The following MAGI3 variants were observed in gnomAD, a reference collection of about 807,000 sequenced individuals.
MAGI3 encodes membrane associated guanylate kinase, WW and PDZ domain containing 3, also known as membrane-associated guanylate kinase, WW and PDZ domain-containing protein 3.
In MAGI3, 43 loss-of-function variants were observed where a neutral mutation model predicts 121.8. The ratio of observed to expected loss-of-function variants is 0.35; its 90% CI spans 0.28 to 0.46. The LOEUF (loss-of-function observed/expected upper bound fraction) is 0.46. MAGI3 is among the 20% of genes least tolerant of loss of function. MAGI3 has a pLI of 1.00. For missense variants in MAGI3, 1,547 were observed against 1,797.3 expected, an observed-to-expected ratio of 0.86 and a Z score of 2.52; for synonymous variants, 553 against 639.3, an observed-to-expected ratio of 0.86 and a Z score of 2.04.
intron 2 of MAGI3, among the ~76,000 whole-genome samples, chr1:113,550,496 A>T (rs1034082124): frequency 1.3e-5 from 2 of 151,526 alleles, no homozygotes; most frequent in African/African-American, 4.8e-5. Context: ...ATTTAAGATT[A>T]TATAATCCCA....
chr1:113,564,352 G>C (rs755445595), intron 2 of MAGI3, among the ~76,000 whole-genome samples: 1 of 152,166 alleles, frequency 6.6e-6, no homozygotes, highest in Non-Finnish European at 1.5e-5. Context: ...TACCTTGAGA[G>C]CCCAAATGAC....
intron 1 of MAGI3, among the ~76,000 whole-genome samples, chr1:113,412,927 G>C (rs1265363878): frequency 6.6e-6 from 1 of 152,118 alleles, no homozygotes; most frequent in Admixed American, 6.5e-5. Flanking sequence ...GTTGCTTTTG[G>C]TGTTTTAGTC....
At chr1:113,605,089 G>A (rs1319987438) in intron 6 of MAGI3, among the ~76,000 whole-genome samples, 1 of 151,582 alleles carries the variant, frequency 6.6e-6, no homozygotes, top group Non-Finnish European at 1.5e-5. Context: ...ATTGTGAGTG[G>A]GGACACAAAA....
At chr1:113,469,513 CTTTT>C (rs1008693524) in intron 1 of MAGI3, among the ~76,000 whole-genome samples, 1 of 144,746 alleles carries the variant, frequency 6.9e-6, no homozygotes, top group African/African-American at 2.5e-5. Flanking sequence ...CAAGCAAAGT[CTTTT>C]TTTTTTTCTG....
intron 10 of MAGI3, among the ~76,000 whole-genome samples, 182 bp from the exon 11 acceptor site, chr1:113,643,561 C>T (rs1652667760): frequency 1.3e-5 from 2 of 152,096 alleles, no homozygotes; most frequent in African/African-American, 4.8e-5. Context: ...ACATTTGTGC[C>T]TTCAGATTGT....
chr1:113,616,614 A>C (rs1270324291), intron 7 of MAGI3, among the ~76,000 whole-genome samples: 1 of 152,194 alleles, frequency 6.6e-6, no homozygotes, highest in Non-Finnish European at 1.5e-5. Context: ...TTTTAAAATA[A>C]AATTTTTCCA....
At chr1:113,405,474 C>CAAAAAA (rs5777158) in intron 1 of MAGI3, among the ~76,000 whole-genome samples, 2,441 of 54,376 alleles carry the variant, frequency 0.045, 302 homozygotes, top group East Asian at 0.2. Context: ...GAAACTGTCT[C>CAAAAAA]AAAAAAAAAA....
chr1:113,664,815 A>G (rs1653952110), intron 16 of MAGI3, among the ~76,000 whole-genome samples: 1 of 152,160 alleles, frequency 6.6e-6, no homozygotes, highest in African/African-American at 2.4e-5. Context: ...ATCTCTTCAT[A>G]TGCTTGAGTT....
At chr1:113,550,820 T>C (rs1435012838) in intron 2 of MAGI3, among the ~76,000 whole-genome samples, 2 of 151,046 alleles carry the variant, frequency 1.3e-5, no homozygotes, top group African/African-American at 4.8e-5. Context: ...GTTAACTAGA[T>C]TTTATTCCTG....
At chr1:113,627,489 G>A (rs558247359) in intron 9 of MAGI3, among the ~76,000 whole-genome samples, 58 of 151,278 alleles carry the variant, frequency 3.8e-4, no homozygotes, top group Non-Finnish European at 4.4e-4. Context: ...TTGATTTTCT[G>A]TCTGGAAGAT....
intron 1 of MAGI3, among the ~76,000 whole-genome samples, chr1:113,429,751 C>T (rs1653206779): frequency 6.6e-6 from 1 of 152,164 alleles, no homozygotes; most frequent in African/African-American, 2.4e-5. Context: ...TCATCTGCAA[C>T]TGCAGAAAAA....
chr1:113,600,112 A>G (rs1649273343), intron 6 of MAGI3, among the ~76,000 whole-genome samples: 1 of 152,210 alleles, frequency 6.6e-6, no homozygotes, highest in Non-Finnish European at 1.5e-5. Context: ...CACAACCAAT[A>G]TCATACTGAA....
chr1:113,598,266 C>T (rs565691896), intron 6 of MAGI3, among the ~76,000 whole-genome samples: 5 of 141,054 alleles, frequency 3.5e-5, no homozygotes, highest in South Asian at 2.3e-4. Context: ...AAAGCAATAG[C>T]ACAGTAAAGA....
chr1:113,661,318 TG>T (rs1353197584), intron 16 of MAGI3, among the ~76,000 whole-genome samples: 1 of 152,232 alleles, frequency 6.6e-6, no homozygotes, highest in Non-Finnish European at 1.5e-5. Context: ...GTGTGTACTA[TG>T]TGACAGGCAC....
At chr1:113,412,298 G>A (rs1406411226) in intron 1 of MAGI3, among the ~76,000 whole-genome samples, 2 of 152,052 alleles carry the variant, frequency 1.3e-5, no homozygotes, top group Non-Finnish European at 2.9e-5. Flanking sequence ...TTGGTTCCCA[G>A]TCTTTGCTGT....
In MAGI3 at chr1:113,524,312, C is replaced by T. The variant is rs546381926; in HGVS notation, c.317-25203C>T. On this transcript the variant is annotated intron_variant, in intron 1 of 20. Coordinates refer to ENST00000307546, the MANE Select transcript of MAGI3 (RefSeq NM_001142782.2). ...GCCTCGTGGAGATGTGAGAAGAGGG[C>T]CACCATCCTCCAGACCCCAGAATGG... 2.0e-5 allele frequency among the ~76,000 whole-genome samples: 3 copies of T among 152,040 alleles called. No individual in the cohort carries two copies. In the South Asian group the frequency reaches 6.3e-4, roughly 32 times the overall value.
chr1:113,669,080 G>C (rs1048674081), intron 16 of MAGI3, among the ~76,000 whole-genome samples: 2 of 152,046 alleles, frequency 1.3e-5, no homozygotes, highest in Admixed American at 6.5e-5. Flanking sequence ...CACATGCAAA[G>C]GTACAAGTAT....
intron 3 of MAGI3, among the ~76,000 whole-genome samples, chr1:113,584,966 CCTT>C (rs1227796288): frequency 3.6e-5 from 4 of 110,744 alleles, no homozygotes; most frequent in African/African-American, 1.5e-4. Context: ...GTAGATATTT[CCTT>C]TTTTTTTTTT....
At position 113,588,301 on chromosome 1, in the gene MAGI3, C is replaced by T. The variant is rs145512632; in HGVS notation, c.764-2183C>T. ...GAGATGGGAACATACCTAGAATATT[C>T]AGGCAATAGCAAGGAAACCAGAGTG... is the stretch of plus-strand genomic sequence containing the variant. On this transcript the variant is annotated intron_variant, in intron 4 of 20. Coordinates refer to ENST00000307546, the MANE Select transcript of MAGI3 (RefSeq NM_001142782.2). Among the ~76,000 whole-genome samples, 3 of 152,248 alleles carry T rather than the reference C, an allele frequency of 2.0e-5. No homozygotes were observed. The East Asian group carries it at 5.8e-4, about 29-fold the overall frequency.
Sources: allele counts gnomAD v4.1 joint callset (sites outside exome capture counted in the v4.1 genomes callset), GRCh38; gene constraint gnomAD v4.1.1; transcripts MANE v1.5; gene names NCBI Gene and HGNC (gene_info 2026-07-23, HGNC 2026-07-21).